LRP1B: variants seen among roughly 807,000 people sequenced by gnomAD.
LRP1B encodes LDL receptor related protein 1B.
In LRP1B, 217 loss-of-function variants were observed where a neutral mutation model predicts 556.6. That is an observed-to-expected ratio of 0.39 (90% CI 0.35 to 0.44). LRP1B has a LOEUF of 0.44. LRP1B is among the 20% of genes least tolerant of loss of function. The pLI, the probability that LRP1B is intolerant of heterozygous loss-of-function variation, is 1.00. For synonymous variants in LRP1B, 2,047 were observed against 1,865.8 expected, an observed-to-expected ratio of 1.10 and a Z score of -2.50; for missense variants, 5,053 against 5,620.8, an observed-to-expected ratio of 0.90 and a Z score of 3.23.
At chr2:141,049,536 G>A (rs1239411907) in intron 10 of LRP1B, among the ~76,000 whole-genome samples, 2 of 151,736 alleles carry the variant, frequency 1.3e-5, no homozygotes, top group Admixed American at 6.6e-5. Flanking sequence ...TTAAAACATC[G>A]GGCACATTTA....
chr2:141,339,766 CT>C (rs111765551), intron 3 of LRP1B, among the ~76,000 whole-genome samples: 2 of 150,952 alleles, frequency 1.3e-5, no homozygotes, highest in Non-Finnish European at 1.5e-5. Context: ...TTATTTTTCT[CT>C]TTTATTTATT....
chr2:140,548,964 CTG>C (rs1680447263), intron 43 of LRP1B, among the ~76,000 whole-genome samples: 1 of 151,964 alleles, frequency 6.6e-6, no homozygotes, highest in Admixed American at 6.6e-5. Context: ...AACAAAAAAA[CTG>C]TAAATTATTG....
At chr2:141,586,879 T>C (rs1172312738) in intron 2 of LRP1B, among the ~76,000 whole-genome samples, 1 of 149,540 alleles carries the variant, frequency 6.7e-6, no homozygotes, top group African/African-American at 2.5e-5. Context: ...GAGGTGGAGC[T>C]TGCAGTGAGC....
At chr2:141,674,246 TTTGAA>T (rs1367372084) in intron 2 of LRP1B, among the ~76,000 whole-genome samples, 1 of 152,108 alleles carries the variant, frequency 6.6e-6, no homozygotes, top group Non-Finnish European at 1.5e-5. Context: ...TCTTTATGAA[TTTGAA>T]TTGGTCTCTG....
At chr2:141,576,823 T>G (rs1686769668) in intron 2 of LRP1B, among the ~76,000 whole-genome samples, 1 of 149,916 alleles carries the variant, frequency 6.7e-6, no homozygotes, top group South Asian at 2.1e-4. Context: ...TTTCTTTTTT[T>G]TTTTTAAATT....
intron 83 of LRP1B, among the ~76,000 whole-genome samples, chr2:140,308,511 T>C (rs912629909): frequency 6.6e-6 from 1 of 151,972 alleles, no homozygotes. Context: ...CAATTTTTAA[T>C]TCATACTCAT....
intron 15 of LRP1B, among the ~76,000 whole-genome samples, chr2:141,001,437 A>G (rs925238908): frequency 2.6e-5 from 4 of 152,184 alleles, no homozygotes; most frequent in South Asian, 2.1e-4. Context: ...TGTTATTTAC[A>G]TTAGGTATAT....
chr2:141,525,428 T>C (rs1275130781), intron 2 of LRP1B, among the ~76,000 whole-genome samples: 2 of 152,034 alleles, frequency 1.3e-5, no homozygotes, highest in Non-Finnish European at 2.9e-5. Context: ...TTTAGCTGTG[T>C]AATCAATTTT....
chr2:140,821,163 C>T (rs745812533), intron 31 of LRP1B, among the ~76,000 whole-genome samples: 1 of 152,048 alleles, frequency 6.6e-6, no homozygotes, highest in Non-Finnish European at 1.5e-5. Flanking sequence ...CACTGAACTA[C>T]GTCCTCCTGG....
intron 35 of LRP1B, among the ~76,000 whole-genome samples, chr2:140,731,649 T>A (rs1265605116): frequency 6.7e-6 from 1 of 150,248 alleles, no homozygotes; most frequent in Non-Finnish European, 1.5e-5. Context: ...GTGCCTGTAG[T>A]CCCAGCTACT....
chr2:141,194,107 G>A (rs998496062), intron 6 of LRP1B, among the ~76,000 whole-genome samples: 1 of 152,028 alleles, frequency 6.6e-6, no homozygotes, highest in African/African-American at 2.4e-5. Context: ...TCTTATATCA[G>A]TACTTTTTCT....
intron 11 of LRP1B, among the ~76,000 whole-genome samples, chr2:141,038,000 A>G (rs1206760223): frequency 6.6e-6 from 1 of 152,012 alleles, no homozygotes; most frequent in Non-Finnish European, 1.5e-5. Context: ...ACTAGTTCAA[A>G]TAAGATTTTT....
At chr2:140,601,943 A>G (rs1300342900) in intron 41 of LRP1B, among the ~76,000 whole-genome samples, 1 of 152,038 alleles carries the variant, frequency 6.6e-6, no homozygotes, top group African/African-American at 2.4e-5. Context: ...ATCTTAATCA[A>G]TTTTCAAAAA....
intron 3 of LRP1B, among the ~76,000 whole-genome samples, chr2:141,287,007 T>G (rs187053328): frequency 6.6e-6 from 1 of 152,200 alleles, no homozygotes; most frequent in South Asian, 2.1e-4. Context: ...GGGCAAACCA[T>G]GATGGGTAGT....
chr2:142,027,520 C>T (rs932250479), intron 1 of LRP1B, among the ~76,000 whole-genome samples: 1 of 151,824 alleles, frequency 6.6e-6, no homozygotes, highest in African/African-American at 2.4e-5. Flanking sequence ...ATATATTCTA[C>T]ACTGTCAAAC....
chr2:141,504,755 G>A (rs967450476), intron 2 of LRP1B, among the ~76,000 whole-genome samples: 2 of 152,240 alleles, frequency 1.3e-5, no homozygotes, highest in Admixed American at 6.5e-5. Flanking sequence ...AGATTTGGTA[G>A]CTGCTAGTCA....
intron 51 of LRP1B, among the ~76,000 whole-genome samples, 187 bp from the exon 52 acceptor site, chr2:140,510,243 G>A (rs946208241): frequency 2.0e-5 from 3 of 152,176 alleles, no homozygotes; most frequent in South Asian, 2.1e-4. Context: ...ATCTAAGAAG[G>A]CATTCTTTCC....
At chr2:140,393,194 C>T (rs1238884409) in intron 66 of LRP1B, among the ~76,000 whole-genome samples, 2 of 150,932 alleles carry the variant, frequency 1.3e-5, no homozygotes, top group African/African-American at 4.9e-5. Context: ...AAATACATTA[C>T]ATTATTGGGG....
chr2:141,128,438 T>A (rs1701269356), intron 7 of LRP1B, among the ~76,000 whole-genome samples: 1 of 152,130 alleles, frequency 6.6e-6, no homozygotes. Flanking sequence ...TCCTACATAA[T>A]CTGTTCCCTA....
Sources: gnomAD v4.1 joint callset for allele counts (sites outside exome capture counted in the v4.1 genomes callset) on GRCh38, gnomAD v4.1.1 for gene constraint, MANE v1.5 for transcripts, NCBI Gene and HGNC (gene_info 2026-07-23, HGNC 2026-07-21) for gene names.